The following VPS13D variants were observed in gnomAD, a reference collection of about 807,000 sequenced individuals.
The protein encoded by VPS13D is vacuolar protein sorting 13 homolog D.
A neutral mutation model predicts 461.9 loss-of-function variants in VPS13D; 187 were observed. The ratio of observed to expected loss-of-function variants is 0.40; its 90% confidence interval spans 0.36 to 0.46. The LOEUF (loss-of-function observed/expected upper bound fraction) is 0.46. Among genes scored for constraint, VPS13D ranks in the 20% least tolerant of loss-of-function variants. The pLI, the probability that VPS13D is intolerant of heterozygous loss-of-function variation, is 0.60. For missense variants in VPS13D, 4,711 were observed against 5,364.9 expected (o/e 0.88, Z 3.81); for synonymous variants, 1,951 against 1,986.3 (o/e 0.98, Z 0.47).
chr1:12,386,855 A>G (rs568387478), intron 60 of VPS13D, among the ~76,000 whole-genome samples: 1 of 152,298 alleles, frequency 6.6e-6, no homozygotes, highest in African/African-American at 2.4e-5. Context: ...TGCCTTTCTT[A>G]CCAATTTGAG....
intron 46 of VPS13D, among the ~76,000 whole-genome samples, chr1:12,350,107 T>C (rs920627297): frequency 1.3e-5 from 2 of 152,210 alleles, no homozygotes; most frequent in African/African-American, 4.8e-5. Flanking sequence ...CTGGAGTTGG[T>C]GATTTTAACA....
intron 67 of VPS13D, among the ~76,000 whole-genome samples, chr1:12,468,759 G>A (rs556334912): frequency 5.9e-5 from 9 of 152,222 alleles, no homozygotes; most frequent in Non-Finnish European, 1.3e-4. Context: ...GAGGCTGGGC[G>A]CGGTGGCTCA....
At chr1:12,253,141 A>G (rs1049896953) in intron 6 of VPS13D, among the ~76,000 whole-genome samples, 2 of 151,474 alleles carry the variant, frequency 1.3e-5, no homozygotes, top group African/African-American at 4.9e-5. Flanking sequence ...CTGGGCAACA[A>G]GATCGAAACT....
intron 65 of VPS13D, among the ~76,000 whole-genome samples, chr1:12,424,920 G>A (rs192535719): frequency 6.6e-6 from 1 of 152,272 alleles, no homozygotes; most frequent in Non-Finnish European, 1.5e-5. Flanking sequence ...AAAAGTAGTG[G>A]TTTTCTACCC....
At chr1:12,487,863 T>G (rs959034902) in intron 67 of VPS13D, among the ~76,000 whole-genome samples, 1 of 152,240 alleles carries the variant, frequency 6.6e-6, no homozygotes, top group Non-Finnish European at 1.5e-5. Context: ...CTGAAATTTT[T>G]TTTTGAAAGC....
chr1:12,243,944 C>A lies in VPS13D; in HGVS notation c.176-302C>A, dbSNP rs112395515. On this transcript the variant is annotated intron_variant, in intron 3 of 69. Coordinates refer to ENST00000620676, the MANE Select transcript of VPS13D (RefSeq NM_015378.4). ...ACCCGGGGAAGAAAGACACCCTGAG[C>A]AAGTGTAAGATGTACTCCAGTTGGA... 4.1e-3 allele frequency among the ~76,000 whole-genome samples: 624 copies of A among 152,200 alleles called. 4 individuals are homozygous for A. Among genetic ancestry groups the A allele is most frequent in the African/African-American group, 0.014 (587 of 41,504 alleles).
intron 18 of VPS13D, among the ~76,000 whole-genome samples, chr1:12,275,529 G>A (rs1641583949): frequency 6.6e-6 from 1 of 152,180 alleles, no homozygotes; most frequent in African/African-American, 2.4e-5. Flanking sequence ...TCACGCCCAT[G>A]GCAAGGCAGG....
chr1:12,341,992 T>C, intron 41 of VPS13D, 107 bp downstream of exon 41: 1 of 909,458 alleles, frequency 1.1e-6, no homozygotes, highest in Non-Finnish European at 1.7e-6. Context: ...TGGGATGATA[T>C]TTGAATGAAT....
intron 68 of VPS13D, chr1:12,499,328 C>A: frequency 5.4e-6 from 2 of 373,040 alleles, no homozygotes; most frequent in Non-Finnish European, 7.4e-6. Context: ...CATTTGTGTT[C>A]ACATGCGTCC....
intron 58 of VPS13D, 65 bp from the exon 59 acceptor site, chr1:12,385,195 G>C (rs1644334921): frequency 3.8e-6 from 5 of 1,323,136 alleles, no homozygotes; most frequent in Non-Finnish European, 5.4e-6. Flanking sequence ...CAGTTGTTCT[G>C]GGTTAGAATA....
At chr1:12,265,112 C>A (rs1641227156) in intron 13 of VPS13D, among the ~76,000 whole-genome samples, 1 of 152,098 alleles carries the variant, frequency 6.6e-6, no homozygotes, top group African/African-American at 2.4e-5. Flanking sequence ...ACTATTGAGA[C>A]CTACTGCTCA....
chr1:12,433,640 C>T (rs368852932), intron 65 of VPS13D, among the ~76,000 whole-genome samples: 1 of 152,278 alleles, frequency 6.6e-6, no homozygotes, highest in East Asian at 1.9e-4. Context: ...GCAGCTCCTG[C>T]GGGGATCATT....
intron 67 of VPS13D, among the ~76,000 whole-genome samples, chr1:12,485,734 CCAAA>C (rs1354905012): frequency 6.6e-6 from 1 of 152,152 alleles, no homozygotes; most frequent in African/African-American, 2.4e-5. Flanking sequence ...GCTGTCCAGA[CCAAA>C]CAAACCAGTT....
At chr1:12,257,127 G>T in intron 9 of VPS13D, 40 bp downstream of exon 9, 1 of 1,555,000 alleles carries the variant, frequency 6.4e-7, no homozygotes, top group Non-Finnish European at 8.9e-7. Context: ...TCATGTTAGA[G>T]CCTGTTCTTG....
At chr1:12,481,392 G>A (rs1645714581) in intron 67 of VPS13D, among the ~76,000 whole-genome samples, 1 of 152,164 alleles carries the variant, frequency 6.6e-6, no homozygotes, top group Non-Finnish European at 1.5e-5. Flanking sequence ...TTCCCCACTG[G>A]CTTCCACCAA....
intron 2 of VPS13D, among the ~76,000 whole-genome samples, chr1:12,235,033 C>G (rs1640100137): frequency 6.6e-6 from 1 of 152,172 alleles, no homozygotes; most frequent in African/African-American, 2.4e-5. Flanking sequence ...TCTCCCTTTC[C>G]TTGTTTTAAT....
At chr1:12,359,402 C>T (rs1478206020) in intron 50 of VPS13D, among the ~76,000 whole-genome samples, 2 of 152,098 alleles carry the variant, frequency 1.3e-5, no homozygotes, top group African/African-American at 4.8e-5. Flanking sequence ...CTATTTTGCA[C>T]TATCTAGTAG....
intron 21 of VPS13D, among the ~76,000 whole-genome samples, chr1:12,286,987 A>G (rs1415329209): frequency 6.6e-6 from 1 of 152,022 alleles, no homozygotes; most frequent in Non-Finnish European, 1.5e-5. Context: ...CTGCCTTCCA[A>G]ATAGCTGGAA....
At chr1:12,290,872 C>T (rs1642112939) in intron 22 of VPS13D, 126 bp from the exon 23 acceptor site, 3 of 857,686 alleles carry the variant, frequency 3.5e-6, no homozygotes, top group African/African-American at 1.8e-5. Context: ...TGAAAATTTG[C>T]TTTTGAGGTT....
Sources: gnomAD v4.1 joint callset for allele counts (sites outside exome capture counted in the v4.1 genomes callset) on GRCh38, gnomAD v4.1.1 for gene constraint, MANE v1.5 for transcripts, NCBI Gene and HGNC (gene_info 2026-07-23, HGNC 2026-07-21) for gene names.